Variants in MPP7 observed in about 807,000 individuals in gnomAD.
MPP7 encodes MAGUK p55 scaffold protein 7.
In MPP7, 60 loss-of-function variants were observed where a neutral mutation model predicts 76.5. That is an observed-to-expected ratio of 0.78 (90% CI 0.64 to 0.97). The LOEUF is 0.97. Ranked by LOEUF, MPP7 falls within the 50% of genes least tolerant of loss-of-function variation. MPP7 has a pLI of 0.00. For missense variants in MPP7, 641 were observed against 694.0 expected (o/e 0.92, Z 0.86); for synonymous variants, 237 against 244.5 (o/e 0.97, Z 0.29).
intron 11 of MPP7, among the ~76,000 whole-genome samples, chr10:28,095,165 C>G (rs1370251983): frequency 7.1e-6 from 1 of 141,128 alleles, no homozygotes; most frequent in Non-Finnish European, 1.5e-5. Context: ...TTTACATACA[C>G]ACATATCTGA....
chr10:28,223,611 A>T (rs961064607), intron 2 of MPP7, among the ~76,000 whole-genome samples: 4 of 152,136 alleles, frequency 2.6e-5, no homozygotes, highest in Admixed American at 2.6e-4. Flanking sequence ...CAAAATTACA[A>T]TTATATTGAG....
intron 3 of MPP7, among the ~76,000 whole-genome samples, chr10:28,168,810 G>A (rs186798766): frequency 6.6e-6 from 1 of 152,288 alleles, no homozygotes; most frequent in Admixed American, 6.5e-5. Context: ...GAGCCACAGT[G>A]CCCAGCCTCT....
At position 28,052,372 on chromosome 10, in the gene MPP7, A is replaced by G. The variant is rs979532633; in HGVS notation, c.*1693T>C. 6.6e-6 allele frequency: 1 copy of G among 152,084 alleles called. No individual in the cohort carries two copies. The highest frequency in any genetic ancestry group is 1.5e-5 in the Non-Finnish European group (1 of 67,958). 9.4% of individuals were successfully genotyped at this position (152,084 alleles called of 1,614,324 possible). On this transcript the variant is annotated 3_prime_UTR_variant, in exon 17 of 17. Transcript: ENST00000683449. ...TTGCTATTTAATTAATACACTTAGA[A>G]CTCACTGTCTGGATCACGTTGTTAT...
intron 3 of MPP7, among the ~76,000 whole-genome samples, chr10:28,194,818 G>A (rs1837527739): frequency 6.6e-6 from 1 of 152,116 alleles, no homozygotes; most frequent in African/African-American, 2.4e-5. Flanking sequence ...GTCAAAACCT[G>A]GAAGTATACA....
chr10:28,140,489 C>T lies in MPP7; in HGVS notation c.315+6994G>A, dbSNP rs369335774. Among the ~76,000 whole-genome samples, 42 of 150,756 alleles carry T rather than the reference C, an allele frequency of 2.8e-4. No homozygotes were observed. In the South Asian group the frequency reaches 8.2e-3, roughly 29 times the overall value. Reference sequence around the variant, plus strand: ...TCGCGCCACTGTACGTCAGCCTGGGCGACAGAGTGAGACTTAGTTTCAAAA... The same window carrying T: ...TCGCGCCACTGTACGTCAGCCTGGGTGACAGAGTGAGACTTAGTTTCAAAA... On this transcript the variant is annotated intron_variant, in intron 5 of 16. Transcript: ENST00000683449.
rs1385092289 is a variant in MPP7 at position 28,051,489 on chromosome 10, TA to T, written c.*2575del. On this transcript the variant is annotated 3_prime_UTR_variant, in exon 17 of 17. Transcript: ENST00000683449. ...CAGTCAATAATAGGAGTACAGAATT[TA>T]CTTTTTGGTCTTGATTTTTAAATAT... The T allele has an allele frequency of 1.3e-5, 2 of 152,330 alleles. No individual in the cohort carries two copies. The highest frequency in any genetic ancestry group is 4.8e-5 in the African/African-American group (2 of 41,590). The allele number at this position is 152,330 out of a possible 1,614,324, so 9.4% of individuals were successfully genotyped here.
intron 3 of MPP7, among the ~76,000 whole-genome samples, chr10:28,161,347 T>G: frequency 2.4e-5 from 2 of 84,956 alleles, no homozygotes; most frequent in South Asian, 3.8e-4. Context: ...CCCCACCCCC[T>G]CCCACCCCCC....
At chr10:28,171,569 G>A (rs990573905) in intron 3 of MPP7, among the ~76,000 whole-genome samples, 2 of 152,120 alleles carry the variant, frequency 1.3e-5, no homozygotes, top group African/African-American at 4.8e-5. Context: ...CTATAATTTC[G>A]CTGAGTCTTC....
At chr10:28,253,578 T>C (rs1839686360) in intron 1 of MPP7, among the ~76,000 whole-genome samples, 1 of 152,208 alleles carries the variant, frequency 6.6e-6, no homozygotes, top group Non-Finnish European at 1.5e-5. Context: ...TATTTCCTTA[T>C]AGTTGATAGG....
At chr10:28,297,960 C>G (rs985145026) in intron 1 of MPP7, among the ~76,000 whole-genome samples, 3 of 152,212 alleles carry the variant, frequency 2.0e-5, no homozygotes, top group African/African-American at 7.2e-5. Context: ...GAAGAAGCAA[C>G]TCTTCATCCA....
chr10:28,106,821 C>T (rs980800839), intron 11 of MPP7, among the ~76,000 whole-genome samples: 7 of 152,158 alleles, frequency 4.6e-5, no homozygotes, highest in African/African-American at 1.7e-4. Flanking sequence ...AGTGATTCCG[C>T]GTTGCCAAAT....
At chr10:28,272,323 C>G (rs1217002850) in intron 1 of MPP7, among the ~76,000 whole-genome samples, 2 of 151,150 alleles carry the variant, frequency 1.3e-5, no homozygotes, top group Non-Finnish European at 3.0e-5. Context: ...ACAGGTGTGT[C>G]CAATTTGTGA....
At chr10:28,156,282 A>G (rs553919695) in intron 3 of MPP7, among the ~76,000 whole-genome samples, 1 of 152,310 alleles carries the variant, frequency 6.6e-6, no homozygotes, top group South Asian at 2.1e-4. Flanking sequence ...AAAGAGTTTC[A>G]CGCAAGTTCT....
intron 11 of MPP7, chr10:28,118,993 G>C (rs1834743972): frequency 1.0e-6 from 1 of 985,212 alleles, no homozygotes. Flanking sequence ...GGTGGAACAG[G>C]GAATTTATGG....
chr10:28,207,167 T>G (rs1837975194), intron 2 of MPP7, among the ~76,000 whole-genome samples: 1 of 152,186 alleles, frequency 6.6e-6, no homozygotes, highest in South Asian at 2.1e-4. Context: ...AAATCTCACC[T>G]TATATTTGGG....
chr10:28,097,360 G>A (rs950293417), intron 11 of MPP7, among the ~76,000 whole-genome samples: 1 of 151,998 alleles, frequency 6.6e-6, no homozygotes, highest in Non-Finnish European at 1.5e-5. Context: ...ATCAGTATAA[G>A]TGGTGGTAGT....
In MPP7 at chr10:28,265,285, A is replaced by G. The variant is rs116721719; in HGVS notation, c.-131-26550T>C. Among the ~76,000 whole-genome samples the G allele has an allele frequency of 5.3e-3, 811 of 152,364 alleles. 10 individuals are homozygous for G. Among genetic ancestry groups the G allele is most frequent in the African/African-American group, 0.019 (793 of 41,580 alleles). On this transcript the variant is annotated intron_variant, in intron 1 of 16. Transcript: ENST00000683449. ...ATATCAAAATGCATTTACGCTGGGC[A>G]TGGTGACTCAAGCTTGTAATCCCAA...
At chr10:28,062,575 CACA>C (rs1564611988) in intron 13 of MPP7, among the ~76,000 whole-genome samples, 6 of 128,782 alleles carry the variant, frequency 4.7e-5, no homozygotes, top group African/African-American at 1.6e-4. Flanking sequence ...CACACACACA[CACA>C]CACCAAAGGT....
At chr10:28,064,725 A>T (rs1851924204) in intron 13 of MPP7, among the ~76,000 whole-genome samples, 1 of 152,264 alleles carries the variant, frequency 6.6e-6, no homozygotes, top group African/African-American at 2.4e-5. Context: ...TTATTTAGTT[A>T]GCAAGAATAT....
Sources: allele counts gnomAD v4.1 joint callset (sites outside exome capture counted in the v4.1 genomes callset), GRCh38; gene constraint gnomAD v4.1.1; transcripts MANE v1.5; gene names NCBI Gene and HGNC (gene_info 2026-07-23, HGNC 2026-07-21).